LARGE1: variants seen among roughly 807,000 people sequenced by gnomAD.
LARGE1 encodes the protein xylosyl- and glucuronyltransferase LARGE1.
In LARGE1, 43 loss-of-function variants were observed where a neutral mutation model predicts 87.6. That is an observed-to-expected ratio of 0.49 (90% CI 0.38 to 0.63). The LOEUF (loss-of-function observed/expected upper bound fraction) is 0.63. Ranked by LOEUF, LARGE1 falls within the 30% of genes least tolerant of loss-of-function variation. The probability of loss-of-function intolerance (pLI) is 0.00; values close to 1 mark genes in which losing one functional copy is unlikely to be tolerated. For synonymous variants in LARGE1, 434 were observed against 394.6 expected (o/e 1.10, Z -1.18); for missense variants, 802 against 1,000.2 (o/e 0.80, Z 2.67).
At chr22:33,872,485 C>T (rs923707379) in intron 1 of LARGE1, among the ~76,000 whole-genome samples, 4 of 151,978 alleles carry the variant, frequency 2.6e-5, no homozygotes, top group African/African-American at 7.2e-5. Flanking sequence ...TCACCAGTGT[C>T]ATCATCGCCA....
intron 11 of LARGE1, chr22:33,305,459 C>T (rs1004886460): frequency 5.9e-5 from 18 of 303,366 alleles, no homozygotes; most frequent in Non-Finnish European, 9.7e-6. Flanking sequence ...CTTTCAAAGG[C>T]GTTAGAAGCG....
rs529634808 is a variant in LARGE1 at position 33,719,476 on chromosome 22, T to C, written c.106+41895A>G. ...GGCTCCATTCATGGTAAGTGCCCTATACAGGTATGCCATCTATACCATATT... is the reference window on the plus strand; with the variant it reads ...GGCTCCATTCATGGTAAGTGCCCTACACAGGTATGCCATCTATACCATATT... On this transcript the variant is annotated intron_variant, in intron 2 of 14. Transcript: ENST00000397394. 5.9e-5 allele frequency among the ~76,000 whole-genome samples: 9 copies of C among 151,860 alleles called. 1 individual carries two copies. In the South Asian group the frequency reaches 1.7e-3, roughly 28 times the overall value.
intron 9 of LARGE1, among the ~76,000 whole-genome samples, chr22:33,365,955 A>G (rs1303896005): frequency 6.6e-6 from 1 of 152,126 alleles, no homozygotes; most frequent in Non-Finnish European, 1.5e-5. Flanking sequence ...TGAGTTATTG[A>G]TATCAATGTG....
intron 6 of LARGE1, among the ~76,000 whole-genome samples, chr22:33,491,255 G>A (rs891002548): frequency 1.3e-5 from 2 of 152,168 alleles, no homozygotes; most frequent in African/African-American, 4.8e-5. Context: ...CTAAAATGCT[G>A]TTTCCTGATA....
chr22:33,466,701 CACACACACACACAT>C (rs1014568337), intron 6 of LARGE1, among the ~76,000 whole-genome samples: 1 of 150,160 alleles, frequency 6.7e-6, no homozygotes, highest in African/African-American at 2.5e-5. Flanking sequence ...TCTACACACA[CACACACACACACAT>C]ACACACACAC....
At chr22:33,535,404 G>A (rs759402309) in intron 6 of LARGE1, among the ~76,000 whole-genome samples, 2 of 152,166 alleles carry the variant, frequency 1.3e-5, no homozygotes, top group Non-Finnish European at 2.9e-5. Context: ...TTTGCTGGAT[G>A]TGGTGGCAGG....
At position 33,457,293 on chromosome 22, in the gene LARGE1, C is replaced by CTTTT. The variant is rs759460321; in HGVS notation, c.788-25032_788-25029dup. On this transcript the variant is annotated intron_variant, in intron 6 of 14. Coordinates refer to ENST00000397394, the MANE Select transcript of LARGE1 (RefSeq NM_133642.5). Reference sequence around the variant, plus strand: ...CAGGTGCCTGCCACCACGCCTGGCTCTTTTTTTTTTTTTTTTTTTTTTTTT... The same window carrying CTTTT: ...CAGGTGCCTGCCACCACGCCTGGCTCTTTTTTTTTTTTTTTTTTTTTTTTTTTTT... Among the ~76,000 whole-genome samples the CTTTT allele has an allele frequency of 4.6e-3, 347 of 74,902 alleles. 9 individuals carry two copies. The highest frequency in any genetic ancestry group is 0.011 in the African/African-American group (199 of 18,110). 49.1% of individuals were successfully genotyped at this position (74,902 alleles called of 152,430 possible). A position where few individuals can be genotyped will look rare whatever the true frequency, so the allele number is the denominator to read the frequency against.
At chr22:33,539,896 T>C (rs1348383658) in intron 6 of LARGE1, among the ~76,000 whole-genome samples, 1 of 152,042 alleles carries the variant, frequency 6.6e-6, no homozygotes, top group Non-Finnish European at 1.5e-5. Flanking sequence ...TCTCTTAAGA[T>C]GTGTAGTAAT....
At chr22:33,658,286 T>A (rs184667058) in intron 2 of LARGE1, among the ~76,000 whole-genome samples, 185 of 152,268 alleles carry the variant, frequency 1.2e-3, no homozygotes, top group African/African-American at 4.0e-3. Context: ...TAAAAAAAAA[T>A]TTTAATTTAA....
At chr22:33,530,536 A>T (rs566046246) in intron 6 of LARGE1, among the ~76,000 whole-genome samples, 1 of 151,814 alleles carries the variant, frequency 6.6e-6, no homozygotes, top group African/African-American at 2.4e-5. Flanking sequence ...GTAAGTTAAA[A>T]CGAAAACAAA....
intron 2 of LARGE1, among the ~76,000 whole-genome samples, chr22:33,677,539 T>C (rs1245051574): frequency 6.6e-6 from 1 of 152,040 alleles, no homozygotes; most frequent in Non-Finnish European, 1.5e-5. Context: ...TTATCTCCTC[T>C]CTCCTTCTTT....
chr22:33,821,143 T>C (rs1291128756), intron 1 of LARGE1, among the ~76,000 whole-genome samples: 1 of 152,172 alleles, frequency 6.6e-6, no homozygotes, highest in African/African-American at 2.4e-5. Context: ...CTCTAATTGC[T>C]TCATGGCTGG....
At chr22:33,362,119 T>C (rs1424700185) in intron 9 of LARGE1, among the ~76,000 whole-genome samples, 1 of 149,300 alleles carries the variant, frequency 6.7e-6, no homozygotes, top group African/African-American at 2.5e-5. Flanking sequence ...GGTAAAGTGA[T>C]AAAAAGATGC....
chr22:33,165,568 C>G (rs1406839505), exon 12 of LARGE1: 2 of 152,170 alleles, frequency 1.3e-5, no homozygotes, highest in African/African-American at 4.8e-5. Context: ...AGGTTTAGAT[C>G]CAAACCCCCA....
At chr22:33,480,071 G>A (rs970999371) in intron 6 of LARGE1, among the ~76,000 whole-genome samples, 8 of 152,110 alleles carry the variant, frequency 5.3e-5, no homozygotes, top group Non-Finnish European at 7.4e-5. Context: ...GTCAAGCAAT[G>A]TACAAAGTTC....
At chr22:33,862,409 G>T (rs950175635) in intron 1 of LARGE1, among the ~76,000 whole-genome samples, 1 of 152,176 alleles carries the variant, frequency 6.6e-6, no homozygotes, top group Non-Finnish European at 1.5e-5. Flanking sequence ...CAATACAGGC[G>T]ATCTTCTCAG....
chr22:33,124,657 G>T, the LARGE1 span, among the ~76,000 whole-genome samples: 1 of 151,980 alleles, frequency 6.6e-6, no homozygotes, highest in Non-Finnish European at 1.5e-5. Context: ...CTTCACTCCT[G>T]GCTGACTCAT....
chr22:33,846,421 C>T (rs542582662), intron 1 of LARGE1, among the ~76,000 whole-genome samples: 17 of 152,190 alleles, frequency 1.1e-4, no homozygotes, highest in South Asian at 6.2e-4. Flanking sequence ...GGATGTATGT[C>T]GCCTCAGGAC....
intron 7 of LARGE1, among the ~76,000 whole-genome samples, chr22:33,422,653 G>A (rs1269548215): frequency 6.6e-6 from 1 of 152,068 alleles, no homozygotes; most frequent in Non-Finnish European, 1.5e-5. Flanking sequence ...GGGATCACAG[G>A]TGCATGCCAC....
Sources: allele counts gnomAD v4.1 joint callset (sites outside exome capture counted in the v4.1 genomes callset), GRCh38; gene constraint gnomAD v4.1.1; transcripts MANE v1.5; gene names NCBI Gene and HGNC (gene_info 2026-07-23, HGNC 2026-07-21).